ROBO1: variants seen among roughly 807,000 people sequenced by gnomAD.
The protein encoded by ROBO1 is roundabout guidance receptor 1, also known as roundabout homolog 1.
In ROBO1, 149 loss-of-function variants were observed where a neutral mutation model predicts 195.9. The ratio of observed to expected loss-of-function variants is 0.76; its 90% CI spans 0.67 to 0.87. The LOEUF (loss-of-function observed/expected upper bound fraction) is 0.87. Among genes scored for constraint, ROBO1 ranks in the 40% least tolerant of loss-of-function variants. The probability of loss-of-function intolerance (pLI) is 0.00; values close to 1 mark genes in which losing one functional copy is unlikely to be tolerated. For synonymous variants in ROBO1, 816 were observed against 733.2 expected (o/e 1.11, Z -1.82); for missense variants, 1,933 against 2,068.3 (o/e 0.93, Z 1.27).
intron 3 of ROBO1, among the ~76,000 whole-genome samples, chr3:78,962,518 G>T (rs1004625039): frequency 7.3e-6 from 1 of 137,808 alleles, no homozygotes; most frequent in East Asian, 2.0e-4. Context: ...ACACTCCTCC[G>T]CCTTGTCATT....
intron 1 of ROBO1, among the ~76,000 whole-genome samples, chr3:79,612,841 T>C (rs1308778801): frequency 6.6e-6 from 1 of 152,180 alleles, no homozygotes; most frequent in Non-Finnish European, 1.5e-5. Flanking sequence ...TTGAGAAGTG[T>C]CTGATCACTT....
chr3:78,689,864 G>A (rs1298607661), intron 8 of ROBO1, among the ~76,000 whole-genome samples: 1 of 151,844 alleles, frequency 6.6e-6, no homozygotes, highest in Non-Finnish European at 1.5e-5. Flanking sequence ...TTCAGATTAT[G>A]TTCACAAATG....
At chr3:79,022,744 A>G (rs2078126887) in intron 3 of ROBO1, among the ~76,000 whole-genome samples, 1 of 152,220 alleles carries the variant, frequency 6.6e-6, no homozygotes, top group African/African-American at 2.4e-5. Context: ...CGTGGGTTCT[A>G]AATTTCCACT....
chr3:78,667,192 A>G (rs1408787402), intron 14 of ROBO1, among the ~76,000 whole-genome samples: 1 of 152,148 alleles, frequency 6.6e-6, no homozygotes, highest in Non-Finnish European at 1.5e-5. Context: ...TACAATTATA[A>G]TATGATTAAG....
At chr3:79,681,826 C>T (rs1373498607) in intron 1 of ROBO1, among the ~76,000 whole-genome samples, 1 of 151,828 alleles carries the variant, frequency 6.6e-6, no homozygotes, top group African/African-American at 2.4e-5. Flanking sequence ...GGATATCATT[C>T]AGAAAAATCA....
intron 2 of ROBO1, among the ~76,000 whole-genome samples, chr3:79,374,377 G>A (rs2036309149): frequency 6.6e-6 from 1 of 152,002 alleles, no homozygotes. Context: ...TAGAATGATA[G>A]GTATATGGTT....
At chr3:79,767,023 T>G (rs181079574) in intron 1 of ROBO1, among the ~76,000 whole-genome samples, 98 of 152,186 alleles carry the variant, frequency 6.4e-4, no homozygotes, top group African/African-American at 2.3e-3. Flanking sequence ...CTTTAAGCTC[T>G]CGTCTTCACA....
At chr3:78,788,440 T>TAAAAAA (rs35773751) in intron 4 of ROBO1, among the ~76,000 whole-genome samples, 2 of 75,754 alleles carry the variant, frequency 2.6e-5, no homozygotes, top group Non-Finnish European at 4.9e-5. Context: ...TTTTTTTTTT[T>TAAAAAA]AAAAAAAAAA....
intron 1 of ROBO1, among the ~76,000 whole-genome samples, chr3:79,634,177 G>T (rs1392149302): frequency 6.6e-6 from 1 of 152,140 alleles, no homozygotes; most frequent in Non-Finnish European, 1.5e-5. Context: ...GTCCCTCTTT[G>T]CCAAGAAACA....
At chr3:79,346,817 G>A (rs1427252205) in intron 2 of ROBO1, among the ~76,000 whole-genome samples, 1 of 151,588 alleles carries the variant, frequency 6.6e-6, no homozygotes, top group Admixed American at 6.6e-5. Flanking sequence ...CATGGTCTAG[G>A]ATAATAAGCA....
intron 7 of ROBO1, among the ~76,000 whole-genome samples, chr3:78,716,451 A>G (rs898779746): frequency 6.6e-6 from 1 of 152,134 alleles, no homozygotes; most frequent in Non-Finnish European, 1.5e-5. Context: ...GAACTCACTC[A>G]CTATCACAAG....
chr3:78,908,164 C>T (rs955161509), intron 4 of ROBO1, among the ~76,000 whole-genome samples: 2 of 151,726 alleles, frequency 1.3e-5, no homozygotes, highest in African/African-American at 4.8e-5. Flanking sequence ...TAACATTCAA[C>T]AAAAAAATCT....
intron 4 of ROBO1, among the ~76,000 whole-genome samples, chr3:78,892,838 CTACA>C (rs1231459196): frequency 6.6e-6 from 1 of 152,150 alleles, no homozygotes; most frequent in African/African-American, 2.4e-5. Context: ...ATAAAATCAA[CTACA>C]TAGTCACAGG....
At chr3:79,238,619 T>A (rs2082456312) in intron 2 of ROBO1, among the ~76,000 whole-genome samples, 1 of 152,210 alleles carries the variant, frequency 6.6e-6, no homozygotes, top group Non-Finnish European at 1.5e-5. Context: ...GTGACAAAGA[T>A]GAAGAGCTCA....
At chr3:78,868,211 C>T (rs746523308) in intron 4 of ROBO1, among the ~76,000 whole-genome samples, 1 of 152,028 alleles carries the variant, frequency 6.6e-6, no homozygotes, top group Non-Finnish European at 1.5e-5. Flanking sequence ...TACCATATTC[C>T]TATTTCAGTA....
intron 8 of ROBO1, among the ~76,000 whole-genome samples, chr3:78,691,551 C>A (rs1395784): frequency 0.29 from 44,213 of 151,950 alleles, 7,159 homozygotes; most frequent in African/African-American, 0.45. Context: ...CACTGTTAAA[C>A]ATAATGGTAA....
chr3:78,739,671 A>G (rs1396747686), intron 5 of ROBO1, among the ~76,000 whole-genome samples: 1 of 152,152 alleles, frequency 6.6e-6, no homozygotes, highest in Non-Finnish European at 1.5e-5. Flanking sequence ...TTTCTGTGTC[A>G]TCTTTTAAAA....
intron 2 of ROBO1, among the ~76,000 whole-genome samples, chr3:79,423,465 A>T (rs2038315176): frequency 6.6e-6 from 1 of 152,152 alleles, no homozygotes; most frequent in African/African-American, 2.4e-5. Flanking sequence ...CGACAGCTTT[A>T]TGGTGTTATA....
chr3:78,983,048 C>T (rs1437353708), intron 3 of ROBO1, among the ~76,000 whole-genome samples: 1 of 152,026 alleles, frequency 6.6e-6, no homozygotes, highest in Non-Finnish European at 1.5e-5. Flanking sequence ...GCTGGGACTA[C>T]AGGTGTGAAC....
Sources: allele counts gnomAD v4.1 joint callset (sites outside exome capture counted in the v4.1 genomes callset), GRCh38; gene constraint gnomAD v4.1.1; transcripts MANE v1.5; gene names NCBI Gene and HGNC (gene_info 2026-07-23, HGNC 2026-07-21).